Variants in HTR2C observed in about 807,000 individuals in gnomAD.
HTR2C encodes the protein 5-hydroxytryptamine receptor 2C.
In HTR2C, 5 loss-of-function variants were observed where a neutral mutation model predicts 21.0. The observed-to-expected ratio is 0.24, with a 90% CI of 0.12 to 0.50. The LOEUF is 0.50. Ranked by LOEUF, HTR2C falls within the 20% of genes least tolerant of loss-of-function variation. The pLI is 0.98. For synonymous variants in HTR2C, 150 were observed against 145.3 expected (o/e 1.03, Z -0.23); for missense variants, 271 against 371.2 (o/e 0.73, Z 2.22).
intron 2 of HTR2C, among the ~76,000 whole-genome samples, chrX:114,645,571 G>A (rs1930332864): frequency 9.0e-6 from 1 of 111,044 alleles, no homozygotes; most frequent in Non-Finnish European, 1.9e-5. Flanking sequence ...AAAGTTAAAG[G>A]GAGAATTTAA....
At chrX:114,834,282 T>C (rs1360931641) in intron 4 of HTR2C, among the ~76,000 whole-genome samples, 1 of 108,324 alleles carries the variant, frequency 9.2e-6, no homozygotes, top group African/African-American at 3.4e-5. Context: ...CGTTGATCTG[T>C]CTAATGTTGA....
At chrX:114,630,767 A>G (rs1410346425) in intron 2 of HTR2C, 5 of 328,306 alleles carry the variant, frequency 1.5e-5, no homozygotes, top group Admixed American at 2.8e-5. Context: ...TATACAGAGC[A>G]TGGGGCCCCA....
intron 2 of HTR2C, among the ~76,000 whole-genome samples, chrX:114,669,026 A>AG (rs1189565066): frequency 2.7e-5 from 3 of 111,283 alleles, no homozygotes; most frequent in Non-Finnish European, 5.7e-5. Context: ...TGATTTACAG[A>AG]GGTCAAAAGT....
At chrX:114,874,570 A>T (rs1425375987) in intron 5 of HTR2C, among the ~76,000 whole-genome samples, 1 of 109,869 alleles carries the variant, frequency 9.1e-6, no homozygotes, top group Non-Finnish European at 1.9e-5. Context: ...GTGCAATGGC[A>T]CGATCTCGGC....
intron 2 of HTR2C, among the ~76,000 whole-genome samples, chrX:114,635,408 A>T (rs1281212921): frequency 8.9e-6 from 1 of 111,949 alleles, no homozygotes; most frequent in Non-Finnish European, 1.9e-5. Flanking sequence ...TATGGGGATG[A>T]AGACGAATAT....
intron 4 of HTR2C, among the ~76,000 whole-genome samples, chrX:114,837,952 A>G (rs2070802041): frequency 9.0e-6 from 1 of 111,486 alleles, no homozygotes; most frequent in Non-Finnish European, 1.9e-5. Context: ...TTATCCCTTC[A>G]TTATTAAAAT....
At chrX:114,662,314 A>T (rs781975655) in intron 2 of HTR2C, among the ~76,000 whole-genome samples, 1 of 111,313 alleles carries the variant, frequency 9.0e-6, no homozygotes, top group Non-Finnish European at 1.9e-5. Flanking sequence ...GGAAGAAACT[A>T]TAAAATTCAG....
chrX:114,787,050 A>G (rs2070182320), intron 4 of HTR2C, among the ~76,000 whole-genome samples: 1 of 111,838 alleles, frequency 8.9e-6, no homozygotes, highest in Admixed American at 9.5e-5. Context: ...GACATCTGCC[A>G]AGAAATATAG....
intron 5 of HTR2C, among the ~76,000 whole-genome samples, chrX:114,850,885 G>A (rs2070911465): frequency 1.8e-5 from 2 of 110,353 alleles, no homozygotes; most frequent in South Asian, 7.6e-4. Flanking sequence ...AAAGTAAAAG[G>A]ATAAAAACAA....
chrX:114,834,833 G>A (rs1339700655), intron 4 of HTR2C, among the ~76,000 whole-genome samples: 2 of 109,361 alleles, frequency 1.8e-5, no homozygotes, highest in African/African-American at 6.7e-5. Flanking sequence ...TGATTTTGCA[G>A]CGGCTGGTAC....
chrX:114,724,089 T>C (rs1353567450), intron 2 of HTR2C, among the ~76,000 whole-genome samples: 1 of 106,379 alleles, frequency 9.4e-6, no homozygotes, highest in Admixed American at 1.0e-4. Context: ...TTCTGTCTCG[T>C]TGATATGTCT....
intron 4 of HTR2C, among the ~76,000 whole-genome samples, chrX:114,793,085 G>A (rs1225860170): frequency 9.0e-6 from 1 of 111,478 alleles, no homozygotes; most frequent in Admixed American, 9.6e-5. Context: ...TCTGATGATA[G>A]GATTTGTGTG....
At chrX:114,841,537 C>T (rs1210399531) in intron 4 of HTR2C, among the ~76,000 whole-genome samples, 2 of 110,992 alleles carry the variant, frequency 1.8e-5, no homozygotes, top group Admixed American at 9.6e-5. Context: ...GTCAGGAGAT[C>T]GAGACCATCC....
chrX:114,699,026 G>A (rs1932374285), intron 2 of HTR2C, among the ~76,000 whole-genome samples: 1 of 111,601 alleles, frequency 9.0e-6, no homozygotes, highest in South Asian at 3.7e-4. Context: ...GGCCACAGAG[G>A]GGAGTCTCTA....
intron 2 of HTR2C, among the ~76,000 whole-genome samples, chrX:114,670,755 T>A (rs1389633965): frequency 8.9e-6 from 1 of 112,590 alleles, no homozygotes; most frequent in Non-Finnish European, 1.9e-5. Context: ...AGATTATTAA[T>A]ATCCTCTATA....
At chrX:114,726,214 C>G (rs782650425) in intron 2 of HTR2C, among the ~76,000 whole-genome samples, 1 of 112,516 alleles carries the variant, frequency 8.9e-6, no homozygotes, top group East Asian at 2.8e-4. Context: ...ATATAATCTC[C>G]TGGTGCGCCG....
intron 5 of HTR2C, among the ~76,000 whole-genome samples, chrX:114,872,705 T>C (rs1556476896): frequency 9.0e-6 from 1 of 111,291 alleles, no homozygotes; most frequent in Non-Finnish European, 1.9e-5. Context: ...AGGATTGTTT[T>C]GACTTAACAT....
chrX:114,814,256 C>G (rs1438352203), intron 4 of HTR2C, among the ~76,000 whole-genome samples: 2 of 109,663 alleles, frequency 1.8e-5, no homozygotes, highest in Non-Finnish European at 3.8e-5. Flanking sequence ...ATATAGTATG[C>G]CTTTTTAGTC....
chrX:114,755,228 G>A (rs868974261), intron 4 of HTR2C, among the ~76,000 whole-genome samples: 49 of 101,966 alleles, frequency 4.8e-4, no homozygotes, highest in African/African-American at 1.7e-3. Context: ...GGACAAGAGC[G>A]AGACTTCATC....
Sources: allele counts gnomAD v4.1 joint callset (sites outside exome capture counted in the v4.1 genomes callset), GRCh38; gene constraint gnomAD v4.1.1; transcripts MANE v1.5; gene names NCBI Gene and HGNC (gene_info 2026-07-23, HGNC 2026-07-21).